Variants in RYR2 observed in about 807,000 individuals in gnomAD.
The protein encoded by RYR2 is ryanodine receptor 2.
RYR2 carries 227 observed loss-of-function variants against 601.1 expected under a neutral mutation model. The ratio of observed to expected loss-of-function variants is 0.38; its 90% CI spans 0.34 to 0.42. The LOEUF is 0.42. Among genes scored for constraint, RYR2 ranks in the 10% least tolerant of loss-of-function variants. The pLI is 1.00. For missense variants in RYR2, 4,646 were observed against 6,156.5 expected, an observed-to-expected ratio of 0.75 and a Z score of 8.21; for synonymous variants, 2,223 against 2,175.1, an observed-to-expected ratio of 1.02 and a Z score of -0.61.
intron 35 of RYR2, among the ~76,000 whole-genome samples, chr1:237,609,693 A>G (rs973973140): frequency 2.6e-5 from 4 of 151,950 alleles, no homozygotes; most frequent in Non-Finnish European, 2.9e-5. Flanking sequence ...TGCTTTCTCA[A>G]TGATGCCCAT....
intron 61 of RYR2, among the ~76,000 whole-genome samples, chr1:237,680,198 G>T (rs886654519): frequency 6.6e-6 from 1 of 152,184 alleles, no homozygotes; most frequent in Admixed American, 6.5e-5. Flanking sequence ...AAAACATTGA[G>T]AATATTTCAT....
At chr1:237,152,404 T>G (rs573165764) in intron 1 of RYR2, among the ~76,000 whole-genome samples, 312 of 152,326 alleles carry the variant, frequency 2.0e-3, no homozygotes, top group Non-Finnish European at 3.2e-3. Flanking sequence ...GGATTTCTGG[T>G]TCTAGATCCT....
rs148078364 is a variant in RYR2, at chr1:237,378,588, T to A, written c.576+1153T>A. On this transcript the variant is annotated intron_variant, in intron 8 of 104. Coordinates refer to ENST00000366574, the MANE Select transcript of RYR2 (RefSeq NM_001035.3). Reference sequence around the variant, plus strand: ...AAACAAAAATCTGAAATAGGGCATGTGGCAATTTAGCAGATACCGGGTTAT... The same window carrying A: ...AAACAAAAATCTGAAATAGGGCATGAGGCAATTTAGCAGATACCGGGTTAT... Among the ~76,000 whole-genome samples, 846 of 152,322 alleles carry A rather than the reference T, an allele frequency of 5.6e-3. 4 individuals carry two copies. The highest frequency in any genetic ancestry group is 0.01 in the Middle Eastern group (3 of 294).
intron 101 of RYR2, among the ~76,000 whole-genome samples, chr1:237,823,689 C>T (rs947152454): frequency 6.6e-6 from 1 of 152,190 alleles, no homozygotes; most frequent in East Asian, 1.9e-4. Flanking sequence ...CAGTGCAGAA[C>T]TGAATGAGAT....
At chr1:237,418,877 T>A (rs1318124798) in intron 11 of RYR2, among the ~76,000 whole-genome samples, 1 of 152,014 alleles carries the variant, frequency 6.6e-6, no homozygotes, top group Admixed American at 6.6e-5. Context: ...TTAAAACTTT[T>A]GGTAACTACC....
At chr1:237,607,012 G>C (rs1158248364) in intron 35 of RYR2, among the ~76,000 whole-genome samples, 1 of 152,220 alleles carries the variant, frequency 6.6e-6, no homozygotes, top group Non-Finnish European at 1.5e-5. Context: ...GGAAGACAGT[G>C]TGGCGATTCC....
chr1:237,157,937 C>G (rs756143195), intron 1 of RYR2, among the ~76,000 whole-genome samples: 2 of 152,166 alleles, frequency 1.3e-5, no homozygotes, highest in African/African-American at 2.4e-5. Flanking sequence ...AATGTACATC[C>G]CAACTACCCT....
intron 3 of RYR2, among the ~76,000 whole-genome samples, chr1:237,332,312 A>C (rs554782602): frequency 6.6e-6 from 1 of 152,318 alleles, no homozygotes; most frequent in East Asian, 1.9e-4. Context: ...TGTACTATTA[A>C]GTAGGGAAGA....
chr1:237,658,056 A>T, intron 54 of RYR2, 34 bp downstream of exon 54: 1 of 1,193,694 alleles, frequency 8.4e-7, no homozygotes, highest in Non-Finnish European at 1.2e-6. Flanking sequence ...TTCAGTAGTC[A>T]TTATTAATGA....
rs867508213 is a variant in RYR2 at position 237,520,339 on chromosome 1, G to A, written c.2822+8548G>A. ...TTCTCTCACTAGGCCTTTCAGTACT[G>A]TAATGAATAGGAGTGGTAAAAGTAA... On this transcript the variant is annotated intron_variant, in intron 24 of 104. Coordinates refer to ENST00000366574, the MANE Select transcript of RYR2 (RefSeq NM_001035.3). Among the ~76,000 whole-genome samples the A allele has an allele frequency of 4.4e-4, 67 of 152,172 alleles. 1 individual carries two copies. The highest frequency in any genetic ancestry group is 1.4e-3 in the African/African-American group (59 of 41,518).
chr1:237,771,104 T>A (rs1472914270), intron 85 of RYR2, among the ~76,000 whole-genome samples: 3 of 152,092 alleles, frequency 2.0e-5, no homozygotes, highest in African/African-American at 4.8e-5. Context: ...TATCAATAGT[T>A]TTGATGTTAG....
At chr1:237,412,436 A>G (rs148588164) in intron 10 of RYR2, among the ~76,000 whole-genome samples, 24 of 152,306 alleles carry the variant, frequency 1.6e-4, no homozygotes, top group African/African-American at 5.1e-4. Flanking sequence ...ACTGTTGAAC[A>G]AGCTCATACT....
chr1:237,376,542 TG>T lies in RYR2; in HGVS notation c.464-780del, dbSNP rs148576670. ...GACGGATATCATGAAAACACTCCTC[TG>T]ATTTTGGGATAGAAGTTGCATTTAG... On this transcript the variant is annotated intron_variant, in intron 7 of 104. Coordinates refer to ENST00000366574, the MANE Select transcript of RYR2 (RefSeq NM_001035.3). Among the ~76,000 whole-genome samples, 444 of 152,268 alleles carry T rather than the reference TG, an allele frequency of 2.9e-3. 3 individuals carry two copies. Among genetic ancestry groups the T allele is most frequent in the Middle Eastern group, 0.014 (4 of 294 alleles).
intron 3 of RYR2, among the ~76,000 whole-genome samples, chr1:237,341,466 AT>A (rs1247468201): frequency 6.6e-6 from 1 of 152,114 alleles, no homozygotes; most frequent in Middle Eastern, 3.2e-3. Context: ...TCCTTCCTGC[AT>A]TTTTTTGGTG....
chr1:237,559,991 G>A (rs1408431224), intron 27 of RYR2, among the ~76,000 whole-genome samples: 2 of 152,224 alleles, frequency 1.3e-5, no homozygotes, highest in African/African-American at 4.8e-5. Flanking sequence ...CTTTACCAAA[G>A]GAGAGGCAAT....
At chr1:237,512,924 G>A (rs796876048) in intron 24 of RYR2, among the ~76,000 whole-genome samples, 2 of 152,102 alleles carry the variant, frequency 1.3e-5, no homozygotes, top group African/African-American at 4.8e-5. Flanking sequence ...TTACTGTGTT[G>A]CCCAGGCTGG....
At chr1:237,173,396 G>T (rs192236148) in intron 1 of RYR2, among the ~76,000 whole-genome samples, 332 of 152,300 alleles carry the variant, frequency 2.2e-3, no homozygotes, top group Non-Finnish European at 3.5e-3. Flanking sequence ...GTAAACTGAG[G>T]ACAGTAATAG....
chr1:237,245,638 G>A (rs1275039068), intron 1 of RYR2, among the ~76,000 whole-genome samples: 1 of 152,138 alleles, frequency 6.6e-6, no homozygotes, highest in Non-Finnish European at 1.5e-5. Context: ...TTGGGAAAGG[G>A]CCATGTTGAT....
chr1:237,488,847 C>T (rs1662998168), intron 17 of RYR2, among the ~76,000 whole-genome samples: 1 of 152,194 alleles, frequency 6.6e-6, no homozygotes, highest in South Asian at 2.1e-4. Context: ...AAATAAACAG[C>T]CTTGTTGCTC....
Sources: allele counts gnomAD v4.1 joint callset (sites outside exome capture counted in the v4.1 genomes callset), GRCh38; gene constraint gnomAD v4.1.1; transcripts MANE v1.5; gene names NCBI Gene and HGNC (gene_info 2026-07-23, HGNC 2026-07-21).